NXN: variants seen among roughly 807,000 people sequenced by gnomAD.
NXN encodes nucleoredoxin 1.
In NXN, 16 loss-of-function variants were observed where a neutral mutation model predicts 48.6. That is an observed-to-expected ratio of 0.33 (90% confidence interval 0.22 to 0.50). The LOEUF (loss-of-function observed/expected upper bound fraction) is 0.50, where lower values mean the gene tolerates loss of function less well. Ranked by LOEUF, NXN falls within the 20% of genes least tolerant of loss-of-function variation. NXN has a pLI of 0.98. For synonymous variants in NXN, 281 were observed against 269.6 expected (o/e 1.04, Z -0.41); for missense variants, 492 against 605.5 (o/e 0.81, Z 1.97).
chr17:801,443 CTTTT>C (rs71371579), intron 7 of NXN, among the ~76,000 whole-genome samples: 1 of 104,312 alleles, frequency 9.6e-6, no homozygotes, highest in Admixed American at 1.3e-4. Context: ...ATGTCACATT[CTTTT>C]TTTTTTTTTT....
At chr17:963,211 ACG>A (rs1205973693) in intron 1 of NXN, among the ~76,000 whole-genome samples, 3 of 141,082 alleles carry the variant, frequency 2.1e-5, no homozygotes, top group African/African-American at 8.1e-5. Flanking sequence ...AGGTACTGGG[ACG>A]GACACACACA....
rs534190155 is a variant in NXN at position 879,524 on chromosome 17, T to C, written c.361-53446A>G. ...CTGGTCTTGAACTCCTGACCTCAAATGATCCACCCGCCTCGGCCTCCCAAA... is the reference window on the plus strand; with the variant it reads ...CTGGTCTTGAACTCCTGACCTCAAACGATCCACCCGCCTCGGCCTCCCAAA... On this transcript the variant is annotated intron_variant, in intron 1 of 7. Transcript: ENST00000336868. 7.9e-5 allele frequency among the ~76,000 whole-genome samples: 12 copies of C among 152,040 alleles called. No homozygotes were observed. The South Asian group carries it at 2.3e-3, about 29-fold the overall frequency.
chr17:971,898 C>T (rs1211944902), intron 1 of NXN, among the ~76,000 whole-genome samples: 1 of 151,942 alleles, frequency 6.6e-6, no homozygotes, highest in African/African-American at 2.4e-5. Context: ...CCGGGCGCCG[C>T]AGCTCACGCT....
chr17:857,120 T>C (rs1362608622), intron 1 of NXN, among the ~76,000 whole-genome samples: 1 of 152,176 alleles, frequency 6.6e-6, no homozygotes, highest in Non-Finnish European at 1.5e-5. Flanking sequence ...AAAGTTTCTT[T>C]CTCTCAGTTG....
At chr17:862,687 T>A (rs2068053043) in intron 1 of NXN, among the ~76,000 whole-genome samples, 1 of 152,196 alleles carries the variant, frequency 6.6e-6, no homozygotes, top group African/African-American at 2.4e-5. Context: ...CAAAGTAGAG[T>A]GATCTGGCAG....
intron 1 of NXN, chr17:842,458 G>A (rs1039575863): frequency 3.1e-6 from 3 of 952,692 alleles, no homozygotes; most frequent in African/African-American, 1.8e-5. Context: ...TCCCGGCGGG[G>A]AAGGCCACGT....
chr17:971,963 C>T (rs1395061741), intron 1 of NXN, among the ~76,000 whole-genome samples: 2 of 152,046 alleles, frequency 1.3e-5, no homozygotes, highest in Non-Finnish European at 2.9e-5. Context: ...GTCAGGAGTT[C>T]AAGACCAGCC....
intron 1 of NXN, among the ~76,000 whole-genome samples, chr17:943,808 G>C (rs12936936): frequency 0.14 from 21,300 of 149,010 alleles, 2,001 homozygotes; most frequent in Non-Finnish European, 0.22. Flanking sequence ...CTGAGTGACA[G>C]AGTATGACTC....
intron 1 of NXN, among the ~76,000 whole-genome samples, chr17:975,331 T>C (rs1046494249): frequency 6.6e-6 from 1 of 152,230 alleles, no homozygotes; most frequent in African/African-American, 2.4e-5. Context: ...ACAGCAACTG[T>C]TCTCTTCCTG....
chr17:905,891 C>T (rs534399864), intron 1 of NXN, among the ~76,000 whole-genome samples: 1 of 150,822 alleles, frequency 6.6e-6, no homozygotes, highest in South Asian at 2.1e-4. Context: ...GTGGGAGGAT[C>T]GCTTGAGCCC....
At chr17:955,864 T>A (rs1281173538) in intron 1 of NXN, among the ~76,000 whole-genome samples, 1 of 149,616 alleles carries the variant, frequency 6.7e-6, no homozygotes, top group African/African-American at 2.5e-5. Flanking sequence ...ATTGTGCCAC[T>A]GCACTCCAGC....
intron 5 of NXN, among the ~76,000 whole-genome samples, chr17:814,744 G>A (rs1197952729): frequency 2.6e-5 from 4 of 152,074 alleles, no homozygotes; most frequent in African/African-American, 4.8e-5. Context: ...CATCAAATCC[G>A]GCCGGGCGCA....
At chr17:873,229 G>C (rs998655562) in intron 1 of NXN, among the ~76,000 whole-genome samples, 4 of 152,074 alleles carry the variant, frequency 2.6e-5, no homozygotes, top group Admixed American at 2.0e-4. Context: ...CAGGTGGGTG[G>C]CTCACGCCTG....
At chr17:855,964 A>G (rs2144763647) in intron 1 of NXN, among the ~76,000 whole-genome samples, 1 of 152,160 alleles carries the variant, frequency 6.6e-6, no homozygotes, top group South Asian at 2.1e-4. Flanking sequence ...GGAGGCCTAG[A>G]CGGGCAGATC....
chr17:824,858 C>T (rs1274969059), intron 2 of NXN, among the ~76,000 whole-genome samples: 2 of 152,164 alleles, frequency 1.3e-5, no homozygotes, highest in African/African-American at 2.4e-5. Flanking sequence ...AGGAGGAGCA[C>T]AGGCTGGTTG....
intron 7 of NXN, 74 bp from the exon 8 acceptor site, chr17:801,205 TC>T: frequency 1.6e-6 from 2 of 1,216,800 alleles, no homozygotes; most frequent in Non-Finnish European, 1.1e-6. Flanking sequence ...GGGCCCAGTC[TC>T]CCCAGGTGTG....
intron 1 of NXN, among the ~76,000 whole-genome samples, chr17:834,495 AC>A (rs1913676774): frequency 6.6e-6 from 1 of 151,610 alleles, no homozygotes; most frequent in Non-Finnish European, 1.5e-5. Flanking sequence ...GCTCACTGCA[AC>A]CTCCACCTCC....
intron 1 of NXN, 112 bp from the exon 2 acceptor site, chr17:826,190 A>G: frequency 1.3e-6 from 1 of 784,886 alleles, no homozygotes; most frequent in East Asian, 2.5e-5. Context: ...ATTCAAGCAC[A>G]CAGAAAAGAA....
intron 1 of NXN, among the ~76,000 whole-genome samples, chr17:909,111 A>AAAAAAC (rs1567858298): frequency 5.9e-5 from 2 of 33,796 alleles, no homozygotes; most frequent in African/African-American, 1.8e-4. Context: ...AAAAAAAAAA[A>AAAAAAC]AAAAAAAAAA....
Sources: gnomAD v4.1 joint callset for allele counts (sites outside exome capture counted in the v4.1 genomes callset) on GRCh38, gnomAD v4.1.1 for gene constraint, MANE v1.5 for transcripts, NCBI Gene and HGNC (gene_info 2026-07-23, HGNC 2026-07-21) for gene names.